MEGF11: variants seen among roughly 807,000 people sequenced by gnomAD.
The protein encoded by MEGF11 is multiple epidermal growth factor-like domains protein 11.
Under a neutral mutation model 146.6 loss-of-function variants are expected in MEGF11, and 126 were observed. That is an observed-to-expected ratio of 0.86 (90% CI 0.74 to 1.00). MEGF11 has a LOEUF of 1.00. Ranked by LOEUF, MEGF11 falls within the 50% of genes least tolerant of loss-of-function variation. The pLI is 0.00. For synonymous variants in MEGF11, 532 were observed against 583.4 expected (o/e 0.91, Z 1.27); for missense variants, 1,509 against 1,521.2 (o/e 0.99, Z 0.13).
intron 5 of MEGF11, among the ~76,000 whole-genome samples, chr15:66,058,149 G>A (rs1330872036): frequency 3.3e-5 from 5 of 152,134 alleles, no homozygotes; most frequent in Admixed American, 2.0e-4. Flanking sequence ...AATGAGATGG[G>A]CTCACAGATG....
chr15:65,898,164 A>G, intron 25 of MEGF11, 70 bp from the exon 26 acceptor site: 1 of 1,518,880 alleles, frequency 6.6e-7, no homozygotes, highest in South Asian at 1.3e-5. Flanking sequence ...AGAGGAAGAG[A>G]GTTCTACTTA....
intron 4 of MEGF11, among the ~76,000 whole-genome samples, chr15:66,112,093 TACA>T (rs2087456235): frequency 1.4e-5 from 2 of 139,950 alleles, no homozygotes; most frequent in African/African-American, 5.2e-5. Flanking sequence ...AAAAAAAAAG[TACA>T]ACCTGTACAA....
At chr15:65,906,971 A>C (rs1041708642) in intron 23 of MEGF11, among the ~76,000 whole-genome samples, 1 of 152,136 alleles carries the variant, frequency 6.6e-6, no homozygotes, top group Non-Finnish European at 1.5e-5. Context: ...GCTGCTGGTG[A>C]TCCCAGAAAA....
chr15:66,248,611 G>A lies in MEGF11; in HGVS notation c.-9+4994C>T, dbSNP rs182548090. 3.3e-5 allele frequency among the ~76,000 whole-genome samples: 5 copies of A among 152,264 alleles called. No homozygotes were observed. In the East Asian group the frequency reaches 9.6e-4, roughly 29 times the overall value. On this transcript the variant is annotated intron_variant, in intron 1 of 25. Transcript: ENST00000395614. ...ACTAAGCCTCACTGATTATCTTTAA[G>A]TTTCAGCCTCACATTTTGACTGTGG...
At chr15:65,903,983 T>C (rs1446764982) in intron 24 of MEGF11, among the ~76,000 whole-genome samples, 6 of 152,240 alleles carry the variant, frequency 3.9e-5, no homozygotes, top group Admixed American at 3.3e-4. Context: ...GGCTGCCTGC[T>C]GAGCCCTCGC....
intron 1 of MEGF11, among the ~76,000 whole-genome samples, chr15:66,186,505 T>C (rs982387371): frequency 2.0e-5 from 3 of 152,138 alleles, no homozygotes; most frequent in Admixed American, 6.5e-5. Context: ...AAGGAGACTG[T>C]AGGACAGGAA....
At chr15:65,944,838 C>T (rs1339908324) in intron 10 of MEGF11, among the ~76,000 whole-genome samples, 2 of 151,770 alleles carry the variant, frequency 1.3e-5, no homozygotes, top group African/African-American at 2.4e-5. Context: ...GCTGCCTCTA[C>T]TGTCCAGTGT....
intron 1 of MEGF11, among the ~76,000 whole-genome samples, chr15:66,228,457 G>C (rs920419806): frequency 2.6e-5 from 4 of 152,104 alleles, no homozygotes; most frequent in Non-Finnish European, 5.9e-5. Flanking sequence ...GCTGGGGAGA[G>C]GGGGTGCCCA....
chr15:66,059,370 G>A (rs2084807784), intron 5 of MEGF11, among the ~76,000 whole-genome samples: 1 of 152,188 alleles, frequency 6.6e-6, no homozygotes, highest in African/African-American at 2.4e-5. Context: ...TGCAGAAGAG[G>A]AAAGGCGCCC....
intron 15 of MEGF11, among the ~76,000 whole-genome samples, chr15:65,919,654 A>C (rs911599476): frequency 6.6e-6 from 1 of 152,046 alleles, no homozygotes. Flanking sequence ...GTTTCGAGAC[A>C]GAGTCTCGCT....
chr15:65,922,689 A>G, intron 14 of MEGF11, 134 bp downstream of exon 14: 1 of 1,278,088 alleles, frequency 7.8e-7, no homozygotes, highest in Non-Finnish European at 1.1e-6. Flanking sequence ...CTGCAGAGGG[A>G]GAGACTAGAG....
Position 65,965,613 on chromosome 15 carries a change from CTT to C in MEGF11, c.900-495_900-494del, listed in dbSNP as rs1186551497. ...CTTTCTTTCTTTCTTTTTTTTTTTT[CTT>C]TTTTTTTTTTTTGGCTCTTCTATTC... On this transcript the variant is annotated intron_variant, in intron 8 of 25. Coordinates refer to ENST00000395614, the MANE Select transcript of MEGF11 (RefSeq NM_001385028.1). Among the ~76,000 whole-genome samples the C allele has an allele frequency of 1.1e-4, 6 of 53,554 alleles. No individual in the cohort carries two copies. The Admixed American group carries it at 1.3e-3, about 12-fold the overall frequency. 35.1% of individuals were successfully genotyped at this position (53,554 alleles called of 152,430 possible). A position where few individuals can be genotyped will look rare whatever the true frequency, so the allele number is the denominator to read the frequency against.
At chr15:65,916,801 G>T (rs780509303) in intron 17 of MEGF11, 27 bp downstream of exon 17, 2 of 1,609,968 alleles carry the variant, frequency 1.2e-6, no homozygotes, top group South Asian at 1.1e-5. Flanking sequence ...ATTCTAAGTG[G>T]CTGGGAGGCC....
chr15:66,122,967 T>C (rs2088118032), intron 3 of MEGF11, among the ~76,000 whole-genome samples: 1 of 152,098 alleles, frequency 6.6e-6, no homozygotes, highest in Admixed American at 6.5e-5. Context: ...GTATTTTTAG[T>C]AGAGACGGGG....
At chr15:65,927,330 C>G (rs2079405770) in intron 13 of MEGF11, among the ~76,000 whole-genome samples, 1 of 152,146 alleles carries the variant, frequency 6.6e-6, no homozygotes, top group Non-Finnish European at 1.5e-5. Context: ...GTCATAAACC[C>G]CAGCAGTCTT....
intron 1 of MEGF11, among the ~76,000 whole-genome samples, chr15:66,147,512 C>T (rs1174835849): frequency 2.6e-5 from 4 of 152,194 alleles, no homozygotes; most frequent in Admixed American, 2.0e-4. Flanking sequence ...GCCATTGCCA[C>T]GGTTGCTGGG....
intron 5 of MEGF11, among the ~76,000 whole-genome samples, chr15:66,036,124 C>T (rs946415334): frequency 1.3e-5 from 2 of 152,258 alleles, no homozygotes; most frequent in African/African-American, 2.4e-5. Context: ...CTGGGGACAA[C>T]CTTCAACCAA....
intron 3 of MEGF11, among the ~76,000 whole-genome samples, chr15:66,119,960 T>C (rs2087939887): frequency 6.6e-6 from 1 of 152,212 alleles, no homozygotes; most frequent in African/African-American, 2.4e-5. Context: ...TCCCCCTTTA[T>C]TTTATTTCTT....
At chr15:66,170,912 C>T (rs548313670) in intron 1 of MEGF11, among the ~76,000 whole-genome samples, 4 of 152,326 alleles carry the variant, frequency 2.6e-5, no homozygotes, top group African/African-American at 7.2e-5. Flanking sequence ...GGGCACCACT[C>T]GGAGGTCCAG....
Sources: allele counts gnomAD v4.1 joint callset (sites outside exome capture counted in the v4.1 genomes callset), GRCh38; gene constraint gnomAD v4.1.1; transcripts MANE v1.5; gene names NCBI Gene and HGNC (gene_info 2026-07-23, HGNC 2026-07-21).